The following RALA variants were observed in gnomAD, a reference collection of about 807,000 sequenced individuals.
RALA encodes the protein ras-related protein Ral-A.
Under a neutral mutation model 24.0 loss-of-function variants are expected in RALA, and 5 were observed. That is an observed-to-expected ratio of 0.21 (90% CI 0.11 to 0.44). The LOEUF is 0.44. Among genes scored for constraint, RALA ranks in the 20% least tolerant of loss-of-function variants. RALA has a pLI of 0.99. For synonymous variants in RALA, 77 were observed against 83.8 expected (o/e 0.92, Z 0.44); for missense variants, 95 against 241.2 (o/e 0.39, Z 4.01).
At chr7:39,658,512 C>A (rs962768251) in intron 1 of RALA, among the ~76,000 whole-genome samples, 1 of 152,020 alleles carries the variant, frequency 6.6e-6, no homozygotes, top group Non-Finnish European at 1.5e-5. Flanking sequence ...TATATGGTTT[C>A]ACTTTATAAA....
At chr7:39,694,061 G>C (rs1170245188) in intron 3 of RALA, among the ~76,000 whole-genome samples, 2 of 152,208 alleles carry the variant, frequency 1.3e-5, no homozygotes, top group African/African-American at 4.8e-5. Context: ...ACCAGGACCA[G>C]ACTGTTCTAA....
At chr7:39,651,437 C>G (rs988812544) in intron 1 of RALA, among the ~76,000 whole-genome samples, 4 of 152,198 alleles carry the variant, frequency 2.6e-5, no homozygotes, top group African/African-American at 9.7e-5. Flanking sequence ...GGCTCCTCAC[C>G]ACACTGATCC....
intron 1 of RALA, among the ~76,000 whole-genome samples, chr7:39,663,289 TATG>T (rs555767380): frequency 5.6e-4 from 86 of 152,366 alleles, no homozygotes; most frequent in Non-Finnish European, 1.0e-3. Context: ...GTGTAGTGCA[TATG>T]ATACTACTGT....
intron 1 of RALA, among the ~76,000 whole-genome samples, chr7:39,628,967 T>A (rs1313538157): frequency 1.3e-5 from 2 of 152,258 alleles, no homozygotes; most frequent in Non-Finnish European, 2.9e-5. Context: ...GTAACTTTCA[T>A]TCTTAACTGC....
Position 39,627,177 on chromosome 7 carries a change from T to G in RALA, c.-38+3352T>G, listed in dbSNP as rs1173285642. Among the ~76,000 whole-genome samples the G allele has an allele frequency of 2.0e-5, 3 of 152,186 alleles. No individual in the cohort carries two copies. The East Asian group carries it at 5.8e-4, about 29-fold the overall frequency. On this transcript the variant is annotated intron_variant, in intron 1 of 4. Transcript: ENST00000005257. ...TGTTTTTTCTTTAAGACATCTTTCT[T>G]ATTACCTTATCGCATTCATAAGGAT...
At chr7:39,631,922 G>T (rs564336517) in intron 1 of RALA, among the ~76,000 whole-genome samples, 3 of 152,160 alleles carry the variant, frequency 2.0e-5, no homozygotes, top group African/African-American at 4.8e-5. Flanking sequence ...ACCAACATCT[G>T]CTTGGCGAGT....
At chr7:39,676,512 C>G (rs1792490057) in intron 1 of RALA, among the ~76,000 whole-genome samples, 1 of 152,088 alleles carries the variant, frequency 6.6e-6, no homozygotes, top group Non-Finnish European at 1.5e-5. Flanking sequence ...ATCCCTAATC[C>G]AAAAATCCCA....
chr7:39,694,266 G>T (rs553684062), intron 3 of RALA, among the ~76,000 whole-genome samples: 5 of 152,282 alleles, frequency 3.3e-5, no homozygotes, highest in African/African-American at 7.2e-5. Flanking sequence ...TCTTAAATTT[G>T]ACTTTTTTTA....
chr7:39,692,290 A>G (rs1792834596), intron 3 of RALA, among the ~76,000 whole-genome samples: 1 of 152,228 alleles, frequency 6.6e-6, no homozygotes, highest in Admixed American at 6.5e-5. Context: ...CAGCTCCAGT[A>G]TCACACTTAA....
At chr7:39,650,933 T>C (rs1198433016) in intron 1 of RALA, among the ~76,000 whole-genome samples, 1 of 152,204 alleles carries the variant, frequency 6.6e-6, no homozygotes, top group Non-Finnish European at 1.5e-5. Flanking sequence ...TCCTTTGGAC[T>C]AGTCATAATG....
At position 39,653,449 on chromosome 7, in the gene RALA, C is replaced by G. The variant is rs117608622; in HGVS notation, c.-38+29624C>G. On this transcript the variant is annotated intron_variant, in intron 1 of 4. Transcript: ENST00000005257. ...TAAGCCATTCTCCTACCTCAGCCTT[C>G]TGAGAACTGAGACCACAGATGTGTT... is the stretch of plus-strand genomic sequence containing the variant. Among the ~76,000 whole-genome samples, 120 of 152,126 alleles carry G rather than the reference C, an allele frequency of 7.9e-4. 1 individual carries two copies. The East Asian group carries it at 0.022, about 28-fold the overall frequency.
At chr7:39,670,015 A>T (rs1175931534) in intron 1 of RALA, among the ~76,000 whole-genome samples, 1 of 152,224 alleles carries the variant, frequency 6.6e-6, no homozygotes, top group Non-Finnish European at 1.5e-5. Context: ...AAATATATCA[A>T]TAACAGAAAC....
Position 39,706,522 on chromosome 7 carries a change from T to C in RALA, c.*277T>C, listed in dbSNP as rs1793122871. ...AAGCTTGTGTTTCTTGGGCAGTCTT[T>C]CTTGAAATTGAAGAGGTGAAATGGG... On this transcript the variant is annotated 3_prime_UTR_variant, in exon 5 of 5. Transcript: ENST00000005257. The C allele has an allele frequency of 1.2e-5, 3 of 241,066 alleles. No individual in the cohort carries two copies. The South Asian group carries it at 2.6e-4, about 21-fold the overall frequency. The allele number at this position is 241,066 out of a possible 1,614,324, so 14.9% of individuals were successfully genotyped here. A position where few individuals can be genotyped will look rare whatever the true frequency, so the allele number is the denominator to read the frequency against.
At chr7:39,672,234 A>G (rs1792402927) in intron 1 of RALA, among the ~76,000 whole-genome samples, 1 of 152,196 alleles carries the variant, frequency 6.6e-6, no homozygotes, top group Non-Finnish European at 1.5e-5. Context: ...AAAAGACAAA[A>G]CAAAAGTTTT....
rs573839538 is a variant in RALA, at chr7:39,705,554, T to C, written c.499-569T>C. 5.6e-4 allele frequency among the ~76,000 whole-genome samples: 85 copies of C among 152,184 alleles called. 1 individual carries two copies. The highest frequency in any genetic ancestry group is 1.5e-3 in the African/African-American group (64 of 41,542). On this transcript the variant is annotated intron_variant, in intron 4 of 4. Coordinates refer to ENST00000005257, the MANE Select transcript of RALA (RefSeq NM_005402.4). ...ATGCTAATATCTCATTATTTACCGG[T>C]TCCTAGACATCAGACAAAAACTGAT... is the stretch of plus-strand genomic sequence containing the variant.
At chr7:39,687,037 C>G (rs1052172408) in intron 2 of RALA, among the ~76,000 whole-genome samples, 12 of 151,980 alleles carry the variant, frequency 7.9e-5, no homozygotes, top group Admixed American at 7.9e-4. Flanking sequence ...CTAACTTTAG[C>G]TTTTTTGTTT....
chr7:39,649,487 A>T (rs1791984583), intron 1 of RALA, among the ~76,000 whole-genome samples: 1 of 152,182 alleles, frequency 6.6e-6, no homozygotes, highest in Admixed American at 6.6e-5. Flanking sequence ...CTTTATAAAA[A>T]GGCTAAAGGA....
intron 1 of RALA, among the ~76,000 whole-genome samples, chr7:39,628,064 A>C (rs1030928593): frequency 2.0e-5 from 3 of 151,184 alleles, no homozygotes; most frequent in Admixed American, 2.0e-4. Context: ...CTGGAATGCT[A>C]GTGTTTGTTT....
Position 39,696,955 on chromosome 7 carries a change from A to G in RALA, c.498+96A>G, listed in dbSNP as rs1583757976. On this transcript the variant is annotated intron_variant, in intron 4 of 4. Coordinates refer to ENST00000005257, the MANE Select transcript of RALA (RefSeq NM_005402.4). ...TCTGGAGAGTCTATGAAACTTTCAA[A>G]TAGAGGTTTAATCCTTGTTGATTTT... 28 of 1,183,056 alleles carry G rather than the reference A, an allele frequency of 2.4e-5. No homozygotes were observed. The East Asian group carries it at 6.7e-4, about 28-fold the overall frequency. The allele number at this position is 1,183,056 out of a possible 1,614,324, so 73.3% of individuals were successfully genotyped here.
Sources: allele counts gnomAD v4.1 joint callset (sites outside exome capture counted in the v4.1 genomes callset), GRCh38; gene constraint gnomAD v4.1.1; transcripts MANE v1.5; gene names NCBI Gene and HGNC (gene_info 2026-07-23, HGNC 2026-07-21).